The following ATG2A variants were observed in gnomAD, a reference collection of about 807,000 sequenced individuals.
ATG2A encodes the protein autophagy related 2A.
ATG2A carries 103 observed loss-of-function variants against 214.2 expected under a neutral mutation model. The observed-to-expected ratio is 0.48, with a 90% CI of 0.41 to 0.57. The LOEUF is 0.57. Ranked by LOEUF, ATG2A falls within the 20% of genes least tolerant of loss-of-function variation. The pLI is 0.00. For missense variants in ATG2A, 2,312 were observed against 2,613.2 expected (o/e 0.88, Z 2.51); for synonymous variants, 1,160 against 1,142.1 (o/e 1.02, Z -0.32).
rs1260809322 is a variant in ATG2A, at chr11:64,916,295, GC to G, written c.171+669del. ...GCCTCCCTCCAGGCAGGGACACTGAGCCGGGGGGGTCGGTGGGAGATGTAGG... is the reference window on the plus strand; with the variant it reads ...GCCTCCCTCCAGGCAGGGACACTGAGCGGGGGGGTCGGTGGGAGATGTAGG... On this transcript the variant is annotated intron_variant, in intron 1 of 40. Transcript: ENST00000377264. Among the ~76,000 whole-genome samples, 8 of 152,238 alleles carry G rather than the reference GC, an allele frequency of 5.3e-5. No individual in the cohort carries two copies. In the East Asian group the frequency reaches 1.5e-3, roughly 29 times the overall value.
chr11:64,912,629 T>C (rs1329376318), intron 6 of ATG2A: 3 of 560,622 alleles, frequency 5.4e-6, no homozygotes, highest in Non-Finnish European at 6.3e-6. Context: ...GTTTCACTCT[T>C]GTTGCCCAGG....
chr11:64,898,860 G>T lies in ATG2A; in HGVS notation c.4465-18C>A, dbSNP rs771745285. 1.9e-5 allele frequency: 30 copies of T among 1,600,948 alleles called. No homozygotes were observed. The highest frequency in any genetic ancestry group is 2.5e-5 in the Non-Finnish European group (30 of 1,177,008). ...AAGCTTACCTGTGGGGTGGACAGAG[G>T]CCTGGCCAGGTAAGCAGGGCCCCAA... On this transcript the variant is annotated intron_variant, in intron 31 of 40. Transcript: ENST00000377264. The surrounding 1 kb of genome is among the most constrained non-coding windows in gnomAD (Gnocchi z 4.5).
chr11:64,902,246 C>A lies in ATG2A; in HGVS notation c.3904+14G>T. The A allele has an allele frequency of 6.2e-7, 1 of 1,613,224 alleles. No homozygotes were observed. Among genetic ancestry groups the A allele is most frequent in the Non-Finnish European group, 8.5e-7 (1 of 1,179,998 alleles). On this transcript the variant is annotated intron_variant, in intron 28 of 40. Coordinates refer to ENST00000377264, the MANE Select transcript of ATG2A (RefSeq NM_015104.3). ...CTGACTGTGTCTGCTGTCCCCACAG[C>A]ACCCCCACTTCACCTGAAGGCTGGG... is the stretch of plus-strand genomic sequence containing the variant.
intron 12 of ATG2A, among the ~76,000 whole-genome samples, 177 bp from the exon 13 acceptor site, chr11:64,910,372 G>A (rs543084628): frequency 1.8e-4 from 28 of 152,360 alleles, no homozygotes; most frequent in African/African-American, 6.0e-4. Flanking sequence ...AAAGCCACCC[G>A]ACATGCGCCA....
chr11:64,909,159 G>A lies in ATG2A; in HGVS notation c.2205-9C>T. 1 of 1,606,620 alleles carries A rather than the reference G, an allele frequency of 6.2e-7. No homozygotes were observed. Among genetic ancestry groups the A allele is most frequent in the East Asian group, 2.2e-5 (1 of 44,828 alleles). ...TCACAGTCACCACTACCCTGCCGGG[G>A]CACAGGCCTGTTACTGGCCTGCAGG... On this transcript the variant is annotated splice_polypyrimidine_tract_variant and intron_variant, in intron 15 of 40. Transcript: ENST00000377264.
intron 39 of ATG2A, 101 bp downstream of exon 39, chr11:64,896,361 T>C (rs1944150102): frequency 6.9e-7 from 1 of 1,446,602 alleles, no homozygotes; most frequent in East Asian, 2.5e-5. Flanking sequence ...ATACCCAGAC[T>C]GCCCACTCTG....
rs1160690717 is a variant in ATG2A, at chr11:64,909,744, G to A, written c.2044C>T (p.Leu682Phe). Reference sequence around the variant, plus strand: ...ACTGGGGGACCAGGCCCACTGCTAAGCTCTGACCGGAACTGGGGCTCACTC... The same window carrying A: ...ACTGGGGGACCAGGCCCACTGCTAAACTCTGACCGGAACTGGGGCTCACTC... ...ELSEPQFRSE[L>F]SSGPGPPVPT... Residue 682 changes from leucine (L) to phenylalanine (F), a missense_variant, in exon 14 of 41, where the codon CTT becomes TTT. Leu to Phe is a conservative substitution (Grantham distance 22, BLOSUM62 0). Coordinates refer to ENST00000377264, the MANE Select transcript of ATG2A (RefSeq NM_015104.3). 1.2e-6 allele frequency: 2 copies of A among 1,613,086 alleles called. No homozygotes were observed. Among genetic ancestry groups the A allele is most frequent in the Non-Finnish European group, 1.7e-6 (2 of 1,180,024 alleles).
chr11:64,913,210 G>A lies in ATG2A; in HGVS notation c.726+56C>T. 1.9e-6 allele frequency: 3 copies of A among 1,611,112 alleles called. No homozygotes were observed. The highest frequency in any genetic ancestry group is 2.5e-6 in the Non-Finnish European group (3 of 1,179,272). On this transcript the variant is annotated intron_variant, in intron 5 of 40. Transcript: ENST00000377264. The surrounding 1 kb of genome is among the most constrained non-coding windows in gnomAD (Gnocchi z 4.3). ...GAGATGGTCAGAAAGGATGGGAGGG[G>A]CTCAATGGGCTCAAGGGAGAGGAGA...
chr11:64,910,272 T>C (rs1180550524), intron 12 of ATG2A, 77 bp from the exon 13 acceptor site: 2 of 1,503,760 alleles, frequency 1.3e-6, no homozygotes, highest in Non-Finnish European at 1.8e-6. Flanking sequence ...TCTCTGGTAG[T>C]GGGAGAAGAG....
chr11:64,909,579 G>A, intron 14 of ATG2A, 102 bp downstream of exon 14: 2 of 1,544,350 alleles, frequency 1.3e-6, no homozygotes, highest in African/African-American at 1.4e-5. Context: ...GCCTGGGCCA[G>A]GGACTGCTCG....
At position 64,895,036 on chromosome 11, in the gene ATG2A, C is replaced by A; in HGVS notation, c.5754G>T (p.Gln1918His). ...TSSLLGGMRNQIVPDAHKDHA... is the reference protein window; with the variant it reads ...TSSLLGGMRNHIVPDAHKDHA... ...GGTCCTTGTGGGCGTCGGGGACAAT[C>A]TGGTTGCGCATGCCCCCGAGCAGGC... is the stretch of plus-strand genomic sequence containing the variant. The change falls in exon 41 of 41, where the codon CAG (glutamine) becomes CAT (histidine). Residue 1918 changes from glutamine to histidine, a missense_variant. Transcript: ENST00000377264. This position sits in a 1 kb window ranked among gnomAD's most constrained non-coding sequence, Gnocchi z 5.0. 1 of 1,613,434 alleles carries A rather than the reference C, an allele frequency of 6.2e-7. No individual in the cohort carries two copies. The highest frequency in any genetic ancestry group is 1.1e-5 in the South Asian group (1 of 91,064).
In ATG2A at chr11:64,906,705, G is replaced by A. The variant is rs1944565735; in HGVS notation, c.2943C>T (p.Tyr981=). 13 of 1,613,642 alleles carry A rather than the reference G, an allele frequency of 8.1e-6. No homozygotes were observed. The highest frequency in any genetic ancestry group is 1.1e-5 in the Non-Finnish European group (13 of 1,180,022). The change falls in exon 20 of 41, where the codon TAC becomes TAT. Residue 981 remains tyrosine (Y), a synonymous_variant. Coordinates refer to ENST00000377264, the MANE Select transcript of ATG2A (RefSeq NM_015104.3). ...TTGCCTTTTCAGCTTCCAGACAGAA[G>A]TAGCCAAGTCCTGGCTGGCCACAGT... ...SQYCGQPGLG[Y]FCLEAEKATL...
intron 23 of ATG2A, 28 bp from the exon 24 acceptor site, chr11:64,905,683 G>C: frequency 6.2e-7 from 1 of 1,613,484 alleles, no homozygotes; most frequent in Non-Finnish European, 8.5e-7. Flanking sequence ...GCTGGGGCCG[G>C]CTCCTTACAC....
In ATG2A at chr11:64,906,830, C is replaced by T. The variant is rs1944570477; in HGVS notation, c.2833-15G>A. 1 of 1,609,470 alleles carries T rather than the reference C, an allele frequency of 6.2e-7. No individual in the cohort carries two copies. The highest frequency in any genetic ancestry group is 1.1e-5 in the South Asian group (1 of 90,610). On this transcript the variant is annotated splice_polypyrimidine_tract_variant and intron_variant, in intron 19 of 40. Coordinates refer to ENST00000377264, the MANE Select transcript of ATG2A (RefSeq NM_015104.3). ...CCACCCTCATCCTGCAGAAGGAGCA[C>T]ACAGCCTGGCTTCCCCAGCTGCACT...
chr11:64,902,883 C>A (rs1252302017), intron 26 of ATG2A, among the ~76,000 whole-genome samples: 1 of 152,166 alleles, frequency 6.6e-6, no homozygotes, highest in Non-Finnish European at 1.5e-5. Flanking sequence ...AGGGGCTTGG[C>A]CCAGGGCCAT....
Position 64,895,585 on chromosome 11 carries a change from C to T in ATG2A, c.5428-143G>A, listed in dbSNP as rs1944123224. 2 of 947,170 alleles carry T rather than the reference C, an allele frequency of 2.1e-6. No individual in the cohort carries two copies. Among genetic ancestry groups the T allele is most frequent in the Admixed American group, 6.1e-5 (2 of 32,912 alleles). 58.7% of individuals were successfully genotyped at this position (947,170 alleles called of 1,614,324 possible). A position where few individuals can be genotyped will look rare whatever the true frequency, so the allele number is the denominator to read the frequency against. ...GCCTAGGGGGTCCTGCTCAGCCTCA[C>T]TCCCCACTTCCTCCCACTCTTCCTC... On this transcript the variant is annotated intron_variant, in intron 39 of 40. Transcript: ENST00000377264. This position sits in a 1 kb window ranked among gnomAD's most constrained non-coding sequence, Gnocchi z 5.0.
At chr11:64,916,841 G>A (rs1335324635) in intron 1 of ATG2A, 124 bp downstream of exon 1, 3 of 1,369,814 alleles carry the variant, frequency 2.2e-6, no homozygotes, top group East Asian at 2.5e-5. Flanking sequence ...CCTGGAGAGG[G>A]CAAGATTCCC....
Position 64,900,540 on chromosome 11 carries a change from C to T in ATG2A, c.4418G>A (p.Gly1473Asp). Residue 1473 changes from glycine (G) to aspartate (D), a missense_variant, in exon 31 of 41, where the codon GGC (glycine) becomes GAC (aspartate). Physicochemically the swap from Gly to Asp is moderately conservative, Grantham distance 94. Coordinates refer to ENST00000377264, the MANE Select transcript of ATG2A (RefSeq NM_015104.3). ...RPQNSWRTQG[G>D]SGRQHHVLME... ...GAGGACATGGTGCTGCCGCCCGCTG[C>T]CCCCCTGCGTGCGCCATGAGTTCTG... 1.2e-6 allele frequency: 2 copies of T among 1,613,234 alleles called. No individual in the cohort carries two copies. The highest frequency in any genetic ancestry group is 1.7e-6 in the Non-Finnish European group (2 of 1,180,008).
chr11:64,903,465 T>C lies in ATG2A; in HGVS notation c.3536-101A>G, dbSNP rs940165704. The C allele has an allele frequency of 2.1e-5, 32 of 1,508,148 alleles. No homozygotes were observed. Among genetic ancestry groups the C allele is most frequent in the South Asian group, 4.7e-5 (4 of 85,352 alleles). 93.4% of individuals were successfully genotyped at this position (1,508,148 alleles called of 1,614,324 possible). A position where few individuals can be genotyped will look rare whatever the true frequency, so the allele number is the denominator to read the frequency against. ...CGGTTGATCCAGGTGTAGTCCCTGC[T>C]GTGCGGGCTACGTGTGGGAGCTAAG... On this transcript the variant is annotated intron_variant, in intron 25 of 40. Coordinates refer to ENST00000377264, the MANE Select transcript of ATG2A (RefSeq NM_015104.3). The surrounding 1 kb of genome is among the most constrained non-coding windows in gnomAD (Gnocchi z 4.2).
Sources: allele counts gnomAD v4.1 joint callset (sites outside exome capture counted in the v4.1 genomes callset), GRCh38; gene constraint gnomAD v4.1.1; non-coding constraint Gnocchi (gnomAD v3.1); transcripts MANE v1.5; gene names NCBI Gene and HGNC (gene_info 2026-07-23, HGNC 2026-07-21).